Variants in EYA3 observed in about 807,000 individuals in gnomAD.
EYA3 encodes the protein protein phosphatase EYA3.
Under a neutral mutation model 80.0 loss-of-function variants are expected in EYA3, and 39 were observed. The ratio of observed to expected loss-of-function variants is 0.49; its 90% CI spans 0.38 to 0.64. EYA3 has a LOEUF of 0.64. Among genes scored for constraint, EYA3 ranks in the 30% least tolerant of loss-of-function variants. EYA3 has a pLI of 0.00. For missense variants in EYA3, 523 were observed against 676.1 expected (o/e 0.77, Z 2.51); for synonymous variants, 206 against 232.8 (o/e 0.88, Z 1.05).
At chr1:27,988,769 C>T in intron 15 of EYA3, 113 bp from the exon 16 acceptor site, 9 of 1,212,520 alleles carry the variant, frequency 7.4e-6, no homozygotes, top group Non-Finnish European at 1.1e-5. Flanking sequence ...TTTAAAGGAC[C>T]TGGTATTATA....
chr1:27,978,908 G>A (rs528468104), intron 16 of EYA3, among the ~76,000 whole-genome samples: 2 of 152,344 alleles, frequency 1.3e-5, no homozygotes, highest in Non-Finnish European at 2.9e-5. Flanking sequence ...GTTGCAGTGA[G>A]CCGAGATCAT....
intron 10 of EYA3, among the ~76,000 whole-genome samples, chr1:28,008,340 A>G (rs1457412976): frequency 6.6e-6 from 1 of 152,112 alleles, no homozygotes; most frequent in African/African-American, 2.4e-5. Flanking sequence ...AAAATCTCAG[A>G]AAAAATACAT....
intron 7 of EYA3, among the ~76,000 whole-genome samples, chr1:28,023,111 A>C (rs567388754): frequency 6.6e-6 from 1 of 152,094 alleles, no homozygotes; most frequent in African/African-American, 2.4e-5. Context: ...CAAAAACTAA[A>C]AAAATGGGAG....
intron 1 of EYA3, among the ~76,000 whole-genome samples, chr1:28,077,572 C>T (rs1377473498): frequency 6.6e-6 from 1 of 152,030 alleles, no homozygotes; most frequent in African/African-American, 2.4e-5. Flanking sequence ...TTGGATCTCT[C>T]TCCAATTTTA....
chr1:28,067,135 T>C (rs1644861566), intron 1 of EYA3, among the ~76,000 whole-genome samples: 1 of 152,192 alleles, frequency 6.6e-6, no homozygotes, highest in South Asian at 2.1e-4. Context: ...AAAGAGGTCA[T>C]AAGATTGGCC....
intron 2 of EYA3, among the ~76,000 whole-genome samples, chr1:28,048,742 C>G (rs895136347): frequency 1.3e-5 from 2 of 152,158 alleles, no homozygotes; most frequent in East Asian, 3.9e-4. Context: ...TATACTGTAA[C>G]AGGCAAATTA....
intron 1 of EYA3, among the ~76,000 whole-genome samples, chr1:28,065,865 T>C (rs1310599082): frequency 2.6e-5 from 4 of 151,694 alleles, no homozygotes; most frequent in Non-Finnish European, 5.9e-5. Flanking sequence ...TAGCTGGGCA[T>C]GGTGGCGCAT....
intron 1 of EYA3, among the ~76,000 whole-genome samples, chr1:28,064,652 A>AT (rs922608459): frequency 5.3e-5 from 8 of 151,702 alleles, no homozygotes; most frequent in South Asian, 2.1e-4. Flanking sequence ...TTTAGTTTTT[A>AT]TTTTTTTTAT....
chr1:27,996,079 G>C (rs1400132457), intron 13 of EYA3, among the ~76,000 whole-genome samples: 1 of 152,150 alleles, frequency 6.6e-6, no homozygotes, highest in Non-Finnish European at 1.5e-5. Context: ...CGCCATGTTA[G>C]CCAGGCTAGT....
chr1:28,002,329 G>C (rs1044597730), intron 11 of EYA3, among the ~76,000 whole-genome samples: 6 of 151,922 alleles, frequency 3.9e-5, no homozygotes, highest in Non-Finnish European at 2.9e-5. Flanking sequence ...GATTACAGGC[G>C]TGAGCCACCA....
chr1:28,049,988 T>C (rs1350892390), intron 2 of EYA3, among the ~76,000 whole-genome samples: 1 of 152,032 alleles, frequency 6.6e-6, no homozygotes, highest in Non-Finnish European at 1.5e-5. Context: ...GTTGGCTGAG[T>C]AACCAAAACA....
intron 3 of EYA3, 88 bp from the exon 4 acceptor site, chr1:28,042,738 CTA>C: frequency 4.9e-6 from 5 of 1,014,208 alleles, no homozygotes; most frequent in Non-Finnish European, 7.8e-6. Context: ...TCCTCCTAGG[CTA>C]TATAAGTAAG....
At position 28,009,177 on chromosome 1, in the gene EYA3, T is replaced by C. The variant is rs1340099154; in HGVS notation, c.909+1770A>G. Among the ~76,000 whole-genome samples the C allele has an allele frequency of 1.3e-5, 2 of 152,166 alleles. No individual in the cohort carries two copies. The highest frequency in any genetic ancestry group is 2.9e-5 in the Non-Finnish European group (2 of 68,024). On this transcript the variant is annotated intron_variant, in intron 10 of 17. Coordinates refer to ENST00000373871, the MANE Select transcript of EYA3 (RefSeq NM_001990.4). The surrounding 1 kb of genome is among the most constrained non-coding windows in gnomAD (Gnocchi z 4.8). The stretch of plus-strand genomic sequence containing the variant: ...AAAGAATTGATAAGATGAACTCAGA[T>C]AGATAATTGTACACCAATGGTCAAA...
At chr1:28,051,800 A>G (rs1470548644) in intron 2 of EYA3, among the ~76,000 whole-genome samples, 1 of 152,152 alleles carries the variant, frequency 6.6e-6, no homozygotes, top group Non-Finnish European at 1.5e-5. Context: ...CCCCATATCC[A>G]GGGAAAGAAG....
At chr1:28,072,341 G>A (rs1645044788) in intron 1 of EYA3, among the ~76,000 whole-genome samples, 1 of 152,046 alleles carries the variant, frequency 6.6e-6, no homozygotes, top group African/African-American at 2.4e-5. Flanking sequence ...AATGAAGTCT[G>A]GAATCTAGTA....
At chr1:28,061,531 A>G (rs909047634) in intron 1 of EYA3, among the ~76,000 whole-genome samples, 1 of 152,232 alleles carries the variant, frequency 6.6e-6, no homozygotes, top group Admixed American at 6.5e-5. Context: ...TAAAAGAAGT[A>G]CAGAATTACT....
intron 7 of EYA3, among the ~76,000 whole-genome samples, chr1:28,024,280 T>TA (rs1466267932): frequency 6.6e-6 from 1 of 151,008 alleles, no homozygotes; most frequent in Non-Finnish European, 1.5e-5. Flanking sequence ...CATCTATTAA[T>TA]AAAAATTTTT....
intron 2 of EYA3, among the ~76,000 whole-genome samples, chr1:28,050,748 C>G (rs1348334224): frequency 6.6e-6 from 1 of 152,060 alleles, no homozygotes. Flanking sequence ...TTATGCCCCC[C>G]TCTAAGGCAG....
rs1641823203 is a variant in EYA3, at chr1:28,013,341, T to G, written c.586-47A>C. 7.0e-7 allele frequency: 1 copy of G among 1,420,736 alleles called. No individual in the cohort carries two copies. The highest frequency in any genetic ancestry group is 2.4e-5 in the Admixed American group (1 of 42,382). The allele number at this position is 1,420,736 out of a possible 1,614,324, so 88.0% of individuals were successfully genotyped here. On this transcript the variant is annotated intron_variant, in intron 8 of 17. Transcript: ENST00000373871. The surrounding 1 kb of genome is among the most constrained non-coding windows in gnomAD (Gnocchi z 4.0). ...AAAACAAGACTCTTATAGCATACAT[T>G]AATCTCAACACAAGAGGCTTTCTTC... is the stretch of plus-strand genomic sequence containing the variant.
Sources: allele counts gnomAD v4.1 joint callset (sites outside exome capture counted in the v4.1 genomes callset), GRCh38; gene constraint gnomAD v4.1.1; non-coding constraint Gnocchi (gnomAD v3.1); transcripts MANE v1.5; gene names NCBI Gene and HGNC (gene_info 2026-07-23, HGNC 2026-07-21).